The following UGT1A10 variants were observed in gnomAD, a reference collection of about 807,000 sequenced individuals.
UGT1A10 encodes UDP glucuronosyltransferase family 1 member A10.
Under a neutral mutation model 45.8 loss-of-function variants are expected in UGT1A10, and 49 were observed. That is an observed-to-expected ratio of 1.07 (90% CI 0.85 to 1.36). The LOEUF (loss-of-function observed/expected upper bound fraction) is 1.36. Among genes scored for constraint, UGT1A10 ranks in the 40% most tolerant of loss-of-function variants. UGT1A10 has a pLI of 0.00. For synonymous variants in UGT1A10, 284 were observed against 249.7 expected (o/e 1.14, Z -1.29); for missense variants, 745 against 668.6 (o/e 1.11, Z -1.26).
rs140117903 is a variant in UGT1A10, at chr2:233,736,068, T to A, written c.856-30966T>A. On this transcript the variant is annotated intron_variant, in intron 1 of 4. Transcript: ENST00000344644. ...TTGAATGTTGGCCTGCCTTGCTAGG[T>A]TTGGGAAGTTCTCCTGGATAATATC... Among the ~76,000 whole-genome samples, 1,506 of 152,332 alleles carry A rather than the reference T, an allele frequency of 9.9e-3. 21 individuals carry two copies. Among genetic ancestry groups the A allele is most frequent in the African/African-American group, 0.035 (1,437 of 41,570 alleles).
intron 1 of UGT1A10, among the ~76,000 whole-genome samples, chr2:233,750,255 C>A (rs915928909): frequency 1.3e-5 from 2 of 151,886 alleles, no homozygotes; most frequent in Admixed American, 1.3e-4. Context: ...CAAAGGTCAC[C>A]CTTGCTATGC....
intron 1 of UGT1A10, among the ~76,000 whole-genome samples, chr2:233,733,062 C>T (rs1195165933): frequency 2.0e-5 from 3 of 152,118 alleles, no homozygotes; most frequent in Admixed American, 6.5e-5. Flanking sequence ...ATTTTATTCT[C>T]TTTGTAGCAA....
At chr2:233,742,507 G>A (rs1692002701) in intron 1 of UGT1A10, among the ~76,000 whole-genome samples, 1 of 151,888 alleles carries the variant, frequency 6.6e-6, no homozygotes, top group Non-Finnish European at 1.5e-5. Flanking sequence ...TGGCTATCAT[G>A]AACACGTCAC....
In UGT1A10 at chr2:233,747,491, G is replaced by C. The variant is rs1270962387; in HGVS notation, c.856-19543G>C. 1.3e-5 allele frequency: 21 copies of C among 1,608,968 alleles called. No individual in the cohort carries two copies. The East Asian group carries it at 2.7e-4, about 20-fold the overall frequency. On this transcript the variant is annotated intron_variant, in intron 1 of 4. Transcript: ENST00000344644. The stretch of plus-strand genomic sequence containing the variant: ...CCCAGGATGAATTTGATCGCCTTGT[G>C]CTGGGCCACACTCAACTGTACTTTG...
At chr2:233,729,650 A>G in intron 1 of UGT1A10, 2 of 1,613,870 alleles carry the variant, frequency 1.2e-6, no homozygotes, top group Non-Finnish European at 1.7e-6. Context: ...TTTTTGAGGA[A>G]CATTCCATGT....
intron 1 of UGT1A10, among the ~76,000 whole-genome samples, chr2:233,750,023 T>C (rs1409167915): frequency 6.6e-6 from 1 of 152,000 alleles, no homozygotes; most frequent in African/African-American, 2.4e-5. Context: ...AGTGGAGTAC[T>C]GCTATAAAGA....
intron 1 of UGT1A10, among the ~76,000 whole-genome samples, chr2:233,757,337 A>G (rs1976391): frequency 0.35 from 51,596 of 146,046 alleles, 9,773 homozygotes; most frequent in African/African-American, 0.44. Context: ...TGGGACCATG[A>G]CAGCTGGGTC....
At chr2:233,691,107 A>G (rs2075029102) in intron 1 of UGT1A10, 1 of 985,930 alleles carries the variant, frequency 1.0e-6, no homozygotes, top group African/African-American at 1.7e-5. Flanking sequence ...CGCTATTCCT[A>G]CATGCTTGCT....
intron 1 of UGT1A10, among the ~76,000 whole-genome samples, chr2:233,762,455 C>T (rs960271633): frequency 3.9e-5 from 6 of 152,100 alleles, no homozygotes; most frequent in Admixed American, 6.5e-5. Flanking sequence ...GCCCACTTAC[C>T]GATAATGTCA....
chr2:233,719,279 C>T lies in UGT1A10; in HGVS notation c.856-47755C>T, dbSNP rs371816622. On this transcript the variant is annotated intron_variant, in intron 1 of 4. Transcript: ENST00000344644. ...CCTTTGATGTGGTTTTAACAGACCCCGTTAACCTCTGTGGGGCGGTGCTGG... is the reference window on the plus strand; with the variant it reads ...CCTTTGATGTGGTTTTAACAGACCCTGTTAACCTCTGTGGGGCGGTGCTGG... 6.4e-5 allele frequency: 103 copies of T among 1,614,078 alleles called. 1 individual carries two copies. In the African/African-American group the frequency reaches 1.0e-3, roughly 16 times the overall value.
intron 1 of UGT1A10, among the ~76,000 whole-genome samples, chr2:233,676,145 C>T (rs923422051): frequency 2.6e-5 from 4 of 152,166 alleles, no homozygotes; most frequent in Non-Finnish European, 5.9e-5. Flanking sequence ...TGAGCTCCAG[C>T]GTCAGACTCC....
intron 3 of UGT1A10, 132 bp downstream of exon 3, chr2:233,768,068 A>C: frequency 6.3e-7 from 1 of 1,596,810 alleles, no homozygotes; most frequent in African/African-American, 1.3e-5. Flanking sequence ...CTTTTTATCT[A>C]GTGGGGTATC....
chr2:233,716,973 C>T (rs908382461), intron 1 of UGT1A10, among the ~76,000 whole-genome samples: 4 of 152,198 alleles, frequency 2.6e-5, no homozygotes, highest in Non-Finnish European at 2.9e-5. Flanking sequence ...GCTTCTCCCT[C>T]CCCACAGTCC....
At chr2:233,707,276 C>T (rs1319518322) in intron 1 of UGT1A10, among the ~76,000 whole-genome samples, 1 of 152,048 alleles carries the variant, frequency 6.6e-6, no homozygotes, top group African/African-American at 2.4e-5. Flanking sequence ...ATTTTAAGTT[C>T]CAGGGCACAC....
At chr2:233,676,970 T>G (rs187885170) in intron 1 of UGT1A10, among the ~76,000 whole-genome samples, 1 of 152,324 alleles carries the variant, frequency 6.6e-6, no homozygotes, top group Non-Finnish European at 1.5e-5. Flanking sequence ...TGTGTAATAA[T>G]CTATAAATGA....
rs774438667 is a variant in UGT1A10 at position 233,767,136 on chromosome 2, G to T, written c.958G>T (p.Ala320Ser). 3.1e-6 allele frequency: 5 copies of T among 1,614,110 alleles called. No individual in the cohort carries two copies. Among genetic ancestry groups the T allele is most frequent in the Admixed American group, 1.7e-5 (1 of 60,022 alleles). The stretch of plus-strand genomic sequence containing the variant: ...TCCAGAGAAGAAAGCTATGGCAATT[G>T]CTGATGCTTTGGGCAAAATCCCTCA... The part of the protein sequence containing the change: ...EIPEKKAMAI[A>S]DALGKIPQTV... Residue 320 changes from alanine to serine, a missense_variant, in exon 2 of 5, where the codon GCT (alanine) becomes TCT (serine). By Grantham distance (99) the Ala-to-Ser change is moderately conservative. Coordinates refer to ENST00000344644, the MANE Select transcript of UGT1A10 (RefSeq NM_019075.4).
Position 233,767,954 on chromosome 2 carries a change from G to A in UGT1A10, c.1075+18G>A, listed in dbSNP as rs770382182. On this transcript the variant is annotated intron_variant, in intron 3 of 4. Transcript: ENST00000344644. ...TCTGCTTGGTATGTTGGGCGGATTG[G>A]ATGTATAGGTCAAACCAGGGTCAAA... 1.9e-5 allele frequency: 30 copies of A among 1,614,036 alleles called. No homozygotes were observed. The highest frequency in any genetic ancestry group is 2.5e-6 in the Non-Finnish European group (3 of 1,180,050).
chr2:233,679,490 C>T (rs1407280819), intron 1 of UGT1A10, among the ~76,000 whole-genome samples: 1 of 152,162 alleles, frequency 6.6e-6, no homozygotes, highest in Non-Finnish European at 1.5e-5. Context: ...TCCCTTCCTG[C>T]CTTACATTCT....
At chr2:233,654,283 A>G (rs1476195142) in intron 1 of UGT1A10, among the ~76,000 whole-genome samples, 3 of 152,224 alleles carry the variant, frequency 2.0e-5, no homozygotes, top group Non-Finnish European at 4.4e-5. Context: ...GATTTCAGGG[A>G]GTTAGACCTT....
Sources: gnomAD v4.1 joint callset for allele counts (sites outside exome capture counted in the v4.1 genomes callset) on GRCh38, gnomAD v4.1.1 for gene constraint, MANE v1.5 for transcripts, NCBI Gene and HGNC (gene_info 2026-07-23, HGNC 2026-07-21) for gene names.